Variants in OSBPL10 observed in about 807,000 individuals in gnomAD.
OSBPL10 encodes the protein oxysterol-binding protein-related protein 10.
Under a neutral mutation model 81.7 loss-of-function variants are expected in OSBPL10, and 49 were observed. That is an observed-to-expected ratio of 0.60 (90% CI 0.48 to 0.76). The LOEUF (loss-of-function observed/expected upper bound fraction) is 0.76. Among genes scored for constraint, OSBPL10 ranks in the 30% least tolerant of loss-of-function variants. The pLI is 0.00. For missense variants in OSBPL10, 923 were observed against 987.8 expected (o/e 0.93, Z 0.88); for synonymous variants, 419 against 383.6 (o/e 1.09, Z -1.08).
chr3:31,996,507 A>G (rs113172195), intron 2 of OSBPL10, among the ~76,000 whole-genome samples: 45,338 of 151,716 alleles, frequency 0.3, 8,811 homozygotes, highest in African/African-American at 0.55. Context: ...CAGGGGGAGA[A>G]GGGGGTTAGT....
At chr3:32,040,289 C>T (rs1273518880) in intron 2 of OSBPL10, among the ~76,000 whole-genome samples, 1 of 152,098 alleles carries the variant, frequency 6.6e-6, no homozygotes, top group African/African-American at 2.4e-5. Flanking sequence ...TGCCTGTAGT[C>T]CCTGCTACTT....
intron 8 of OSBPL10, among the ~76,000 whole-genome samples, chr3:31,675,953 A>C (rs1302556134): frequency 6.6e-6 from 1 of 151,670 alleles, no homozygotes; most frequent in East Asian, 1.9e-4. Context: ...CTCAAAAAAA[A>C]AAAAAAAAAA....
chr3:31,811,199 G>C, intron 4 of OSBPL10, among the ~76,000 whole-genome samples: 1 of 142,526 alleles, frequency 7.0e-6, no homozygotes, highest in Admixed American at 6.9e-5. Context: ...GGGTGTGGGG[G>C]ATGCTGGGGG....
chr3:31,757,232 C>A (rs1219833229), intron 4 of OSBPL10, among the ~76,000 whole-genome samples: 1 of 152,102 alleles, frequency 6.6e-6, no homozygotes, highest in Non-Finnish European at 1.5e-5. Context: ...GATTGGTTCT[C>A]TATAAAGGGA....
intron 2 of OSBPL10, among the ~76,000 whole-genome samples, chr3:31,994,974 C>G (rs978184437): frequency 6.6e-6 from 1 of 152,046 alleles, no homozygotes; most frequent in Admixed American, 6.6e-5. Flanking sequence ...ACCTGAGCCG[C>G]AAAACCAGTA....
chr3:31,812,721 A>G (rs1207192907), intron 4 of OSBPL10, among the ~76,000 whole-genome samples: 7 of 37,134 alleles, frequency 1.9e-4, no homozygotes, highest in Non-Finnish European at 3.1e-4. Context: ...GCAAAAAAAA[A>G]GAAAGAAAGA....
chr3:31,933,235 T>C (rs1401666384), intron 1 of OSBPL10, among the ~76,000 whole-genome samples: 1 of 152,178 alleles, frequency 6.6e-6, no homozygotes, highest in Non-Finnish European at 1.5e-5. Flanking sequence ...GCACCAGTCC[T>C]GCCATCCTTT....
At position 31,942,472 on chromosome 3, in the gene OSBPL10, T is replaced by C. The variant is rs558233176; in HGVS notation, c.281+38427A>G. Reference sequence around the variant, plus strand: ...ATCCTTTGAACCCAGGAGTTGGAAGTTGCAGTGAGCCAAGATCGCATCATT... The same window carrying C: ...ATCCTTTGAACCCAGGAGTTGGAAGCTGCAGTGAGCCAAGATCGCATCATT... On this transcript the variant is annotated intron_variant, in intron 1 of 11. Coordinates refer to ENST00000396556, the MANE Select transcript of OSBPL10 (RefSeq NM_017784.5). 4.7e-5 allele frequency among the ~76,000 whole-genome samples: 6 copies of C among 127,710 alleles called. No homozygotes were observed. The South Asian group carries it at 7.6e-4, about 16-fold the overall frequency. 83.8% of individuals were successfully genotyped at this position (127,710 alleles called of 152,430 possible). A position where few individuals can be genotyped will look rare whatever the true frequency, so the allele number is the denominator to read the frequency against.
intron 4 of OSBPL10, among the ~76,000 whole-genome samples, chr3:31,786,501 G>A (rs1293212202): frequency 2.0e-5 from 3 of 152,152 alleles, no homozygotes; most frequent in Non-Finnish European, 4.4e-5. Context: ...TGTGTCTGGT[G>A]AGGGCCCATT....
At chr3:31,830,272 G>C (rs761257618) in intron 3 of OSBPL10, 41 bp from the exon 4 acceptor site, 2 of 1,565,032 alleles carry the variant, frequency 1.3e-6, no homozygotes, top group East Asian at 4.5e-5. Context: ...CAACTGACCT[G>C]CAGAACACAA....
At chr3:31,848,722 G>T (rs1312711257) in intron 3 of OSBPL10, among the ~76,000 whole-genome samples, 2 of 152,158 alleles carry the variant, frequency 1.3e-5, no homozygotes, top group East Asian at 1.9e-4. Flanking sequence ...CTGGCCAAAA[G>T]CTGAGAGTCC....
At chr3:31,680,963 C>T (rs1219019010) in intron 8 of OSBPL10, among the ~76,000 whole-genome samples, 2 of 152,192 alleles carry the variant, frequency 1.3e-5, no homozygotes, top group East Asian at 3.9e-4. Flanking sequence ...TGCACTCTTA[C>T]AGAAGATAAC....
intron 6 of OSBPL10, among the ~76,000 whole-genome samples, chr3:31,727,901 AG>A (rs1360181968): frequency 5.9e-5 from 9 of 152,220 alleles, no homozygotes; most frequent in Admixed American, 5.9e-4. Flanking sequence ...TGAACATCAG[AG>A]GATTTCAGAT....
chr3:31,737,514 G>T (rs1436916416), intron 5 of OSBPL10, among the ~76,000 whole-genome samples: 1 of 152,130 alleles, frequency 6.6e-6, no homozygotes, highest in Non-Finnish European at 1.5e-5. Context: ...TGAAAAGAGA[G>T]ATGGATGCAT....
intron 2 of OSBPL10, among the ~76,000 whole-genome samples, chr3:31,878,273 A>AT (rs1701529029): frequency 6.6e-6 from 1 of 152,216 alleles, no homozygotes; most frequent in South Asian, 2.1e-4. Flanking sequence ...GGTTTGTATC[A>AT]TTTTATAAAC....
intron 8 of OSBPL10, among the ~76,000 whole-genome samples, chr3:31,679,219 T>C (rs1437192721): frequency 1.3e-5 from 2 of 152,210 alleles, no homozygotes; most frequent in African/African-American, 4.8e-5. Flanking sequence ...AGCTGCTCTA[T>C]CTTGCTGAGG....
At chr3:31,699,192 G>A (rs1177171919) in intron 7 of OSBPL10, among the ~76,000 whole-genome samples, 2 of 152,158 alleles carry the variant, frequency 1.3e-5, no homozygotes, top group East Asian at 3.9e-4. Context: ...AGTCATGTCA[G>A]GATCTCCTGA....
chr3:32,013,214 T>G (rs1699277762), intron 2 of OSBPL10, among the ~76,000 whole-genome samples: 2 of 152,030 alleles, frequency 1.3e-5, no homozygotes, highest in South Asian at 4.2e-4. Flanking sequence ...CCTCAGCAAA[T>G]GTAAAAGAAC....
intron 3 of OSBPL10, among the ~76,000 whole-genome samples, chr3:31,857,176 G>C (rs57118021): frequency 0.012 from 1,792 of 152,278 alleles, 31 homozygotes; most frequent in African/African-American, 0.04. Flanking sequence ...AGCTAGCTCT[G>C]CTAATCAGCC....
Sources: allele counts gnomAD v4.1 joint callset (sites outside exome capture counted in the v4.1 genomes callset), GRCh38; gene constraint gnomAD v4.1.1; transcripts MANE v1.5; gene names NCBI Gene and HGNC (gene_info 2026-07-23, HGNC 2026-07-21).